The following KIFBP variants were observed in gnomAD, a reference collection of about 807,000 sequenced individuals.
KIFBP encodes the protein KIF-binding protein.
Under a neutral mutation model 58.9 loss-of-function variants are expected in KIFBP, and 46 were observed. The observed-to-expected ratio is 0.78, with a 90% confidence interval of 0.62 to 1.00. The LOEUF (loss-of-function observed/expected upper bound fraction) is 1.00. Among genes scored for constraint, KIFBP ranks in the 50% least tolerant of loss-of-function variants. KIFBP has a pLI of 0.00. For missense variants in KIFBP, 651 were observed against 752.9 expected (o/e 0.86, Z 1.58); for synonymous variants, 241 against 283.4 (o/e 0.85, Z 1.50).
chr10:69,015,575 C>T lies in KIFBP; in HGVS notation c.1025C>T (p.Ser342Phe). 6.2e-7 allele frequency: 1 copy of T among 1,613,364 alleles called. No individual in the cohort carries two copies. The highest frequency in any genetic ancestry group is 8.5e-7 in the Non-Finnish European group (1 of 1,179,892). ...NIGELDLDKQ[S>F]ELRALRKKEL... ...GGAGAGCTTGATCTTGATAAACAGTCTGAACTTAGAGCTTTAAGGAAAAAA... is the reference window on the plus strand; with the variant it reads ...GGAGAGCTTGATCTTGATAAACAGTTTGAACTTAGAGCTTTAAGGAAAAAA... The change falls in exon 7 of 7, where the codon TCT (serine) becomes TTT (phenylalanine). Residue 342 changes from serine (S) to phenylalanine (F), a missense_variant. Ser to Phe is a radical substitution (Grantham distance 155). Transcript: ENST00000361983.
intron 1 of KIFBP, 88 bp from the exon 2 acceptor site, chr10:69,000,336 G>T (rs1254177516): frequency 2.3e-6 from 2 of 854,278 alleles, no homozygotes; most frequent in African/African-American, 3.3e-5. Context: ...TATTTGGTTG[G>T]TTATAAGTAT....
At chr10:68,989,628 A>C in intron 1 of KIFBP, 1 of 278,280 alleles carries the variant, frequency 3.6e-6, no homozygotes, top group Non-Finnish European at 6.8e-6. Context: ...AGAAAATCCA[A>C]AGTAATTTAA....
At chr10:69,009,140 A>G (rs1283233895) in intron 5 of KIFBP, among the ~76,000 whole-genome samples, 2 of 152,120 alleles carry the variant, frequency 1.3e-5, no homozygotes, top group Non-Finnish European at 2.9e-5. Context: ...TTACCCTTTC[A>G]TACTTTAGTA....
At chr10:68,993,358 A>G (rs1315149464) in intron 1 of KIFBP, among the ~76,000 whole-genome samples, 1 of 151,470 alleles carries the variant, frequency 6.6e-6, no homozygotes, top group Non-Finnish European at 1.5e-5. Flanking sequence ...TTTTCTACTG[A>G]CCTTGCTTGG....
intron 5 of KIFBP, 39 bp downstream of exon 5, chr10:69,008,964 A>G (rs1290663222): frequency 2.0e-6 from 3 of 1,518,710 alleles, no homozygotes; most frequent in East Asian, 2.3e-5. Context: ...GCTTTTAAAA[A>G]AAGTTTTATT....
At chr10:69,008,791 A>C (rs143073194) in intron 4 of KIFBP, 50 bp from the exon 5 acceptor site, 1 of 1,369,510 alleles carries the variant, frequency 7.3e-7, no homozygotes, top group African/African-American at 1.4e-5. Context: ...TATCAGTTGC[A>C]AATAAAGCTG....
chr10:68,991,046 T>C (rs910689603), intron 1 of KIFBP: 8 of 152,074 alleles, frequency 5.3e-5, no homozygotes, highest in African/African-American at 1.7e-4. Flanking sequence ...TGGGATGAGA[T>C]GATCACTCGA....
rs1349116221 is a variant in KIFBP, at chr10:69,016,441, G to T, written c.*25G>T. ...ATCCTTGTTTTTAAAGAAAGGAAAT[G>T]TGCAATATTGAAGTGATCTTTTTCC... On this transcript the variant is annotated 3_prime_UTR_variant, in exon 7 of 7. Transcript: ENST00000361983. 6 of 1,611,792 alleles carry T rather than the reference G, an allele frequency of 3.7e-6. No homozygotes were observed. The highest frequency in any genetic ancestry group is 5.1e-6 in the Non-Finnish European group (6 of 1,178,572).
intron 2 of KIFBP, 29 bp downstream of exon 2, chr10:69,000,551 T>C (rs1843456181): frequency 1.5e-6 from 2 of 1,341,622 alleles, no homozygotes; most frequent in Non-Finnish European, 2.1e-6. Flanking sequence ...GAGTTTTAAG[T>C]TTTGATTGAA....
chr10:68,996,689 T>A (rs566979342), intron 1 of KIFBP, among the ~76,000 whole-genome samples: 2 of 150,970 alleles, frequency 1.3e-5, no homozygotes, highest in Non-Finnish European at 3.0e-5. Flanking sequence ...CCCGTCTCTA[T>A]TAAAAATACA....
chr10:68,991,632 G>T, intron 1 of KIFBP: 1 of 292,430 alleles, frequency 3.4e-6, no homozygotes, highest in East Asian at 1.0e-4. Flanking sequence ...TCTACCTTGA[G>T]CAGGCATTCA....
chr10:69,016,149 G>A lies in KIFBP; in HGVS notation c.1599G>A (p.Glu533=), dbSNP rs1839003085. Residue 533 remains glutamate (E), a synonymous_variant, in exon 7 of 7, where the codon GAG becomes GAA. Transcript: ENST00000361983. ...SLRDPNKVFP[E]HIGEDVLRPA... ...GAGACCCAAATAAAGTATTCCCTGA[G>A]CATATAGGGGAAGATGTTCTTCGCC... 1 of 1,614,152 alleles carries A rather than the reference G, an allele frequency of 6.2e-7. No individual in the cohort carries two copies. Among genetic ancestry groups the A allele is most frequent in the Non-Finnish European group, 8.5e-7 (1 of 1,180,026 alleles).
intron 2 of KIFBP, among the ~76,000 whole-genome samples, chr10:69,004,219 CAAAA>C (rs1164355898): frequency 1.3e-5 from 1 of 79,492 alleles, no homozygotes; most frequent in African/African-American, 4.7e-5. Context: ...ACTCCATCTC[CAAAA>C]AAAAAAAAAA....
intron 1 of KIFBP, among the ~76,000 whole-genome samples, chr10:68,997,962 A>G (rs934520199): frequency 4.0e-5 from 6 of 151,302 alleles, no homozygotes. Context: ...ATCTGAAACC[A>G]TGAAACCATG....
intron 4 of KIFBP, chr10:69,006,124 GT>G: frequency 5.3e-6 from 3 of 570,914 alleles, no homozygotes; most frequent in Non-Finnish European, 9.3e-6. Context: ...AAAATACCGA[GT>G]TTTATCATTG....
chr10:69,014,772 T>C, intron 6 of KIFBP, among the ~76,000 whole-genome samples: 1 of 147,302 alleles, frequency 6.8e-6, no homozygotes, highest in Non-Finnish European at 1.5e-5. Context: ...GAAGGTAGAT[T>C]TAACTCTTTG....
intron 1 of KIFBP, among the ~76,000 whole-genome samples, chr10:68,996,571 G>C (rs2132108525): frequency 6.8e-6 from 1 of 146,662 alleles, no homozygotes; most frequent in East Asian, 2.0e-4. Context: ...AAAATAAATA[G>C]GCTGGGCATG....
intron 5 of KIFBP, among the ~76,000 whole-genome samples, chr10:69,009,642 A>G (rs1589297405): frequency 6.6e-6 from 1 of 152,106 alleles, no homozygotes; most frequent in African/African-American, 2.4e-5. Context: ...CAGATGATAT[A>G]TTTTTGGTTG....
At chr10:68,989,441 C>T in intron 1 of KIFBP, 183 bp downstream of exon 1, 1 of 659,002 alleles carries the variant, frequency 1.5e-6, no homozygotes, top group Non-Finnish European at 2.6e-6. Flanking sequence ...GACTTATTGC[C>T]TTGTAACTAG....
Sources: allele counts gnomAD v4.1 joint callset (sites outside exome capture counted in the v4.1 genomes callset), GRCh38; gene constraint gnomAD v4.1.1; transcripts MANE v1.5; gene names NCBI Gene and HGNC (gene_info 2026-07-23, HGNC 2026-07-21).